Variants in SLC8A1 observed in about 807,000 individuals in gnomAD.
SLC8A1 encodes the protein sodium/calcium exchanger 1.
In SLC8A1, 18 loss-of-function variants were observed where a neutral mutation model predicts 68.3. The observed-to-expected ratio is 0.26, with a 90% CI of 0.18 to 0.39. SLC8A1 has a LOEUF of 0.39. Ranked by LOEUF, SLC8A1 falls within the 10% of genes least tolerant of loss-of-function variation. The probability of loss-of-function intolerance (pLI) is 1.00; values close to 1 mark genes in which losing one functional copy is unlikely to be tolerated. For missense variants in SLC8A1, 985 were observed against 1,156.7 expected, an observed-to-expected ratio of 0.85 and a Z score of 2.15; for synonymous variants, 475 against 415.5, an observed-to-expected ratio of 1.14 and a Z score of -1.74.
exon 8 of SLC8A1, chr2:40,102,462 A>C (rs576027093): frequency 5.9e-5 from 9 of 152,192 alleles, no homozygotes; most frequent in Admixed American, 3.9e-4. Context: ...GGGGCAATGC[A>C]TGAAATTCAG....
chr2:40,317,122 T>C (rs1575349108), intron 2 of SLC8A1, among the ~76,000 whole-genome samples: 1 of 152,006 alleles, frequency 6.6e-6, no homozygotes, highest in African/African-American at 2.4e-5. Flanking sequence ...GCATAATATG[T>C]TACTGAATAG....
intron 2 of SLC8A1, among the ~76,000 whole-genome samples, chr2:40,378,084 T>G (rs985375920): frequency 1.8e-4 from 28 of 152,238 alleles, no homozygotes; most frequent in African/African-American, 6.0e-4. Flanking sequence ...GAGCTGGTGA[T>G]AAATCAGTGA....
intron 1 of SLC8A1, among the ~76,000 whole-genome samples, chr2:40,467,932 T>C (rs985810972): frequency 6.6e-6 from 1 of 152,180 alleles, no homozygotes; most frequent in African/African-American, 2.4e-5. Flanking sequence ...GTATTCACTA[T>C]TAAATATGGG....
At chr2:40,473,818 C>T (rs1704129974) in intron 1 of SLC8A1, among the ~76,000 whole-genome samples, 1 of 152,140 alleles carries the variant, frequency 6.6e-6, no homozygotes, top group Non-Finnish European at 1.5e-5. Flanking sequence ...TTTCCTCAAG[C>T]AACTTGGGTA....
intron 2 of SLC8A1, among the ~76,000 whole-genome samples, chr2:40,291,692 C>T (rs1015223066): frequency 6.6e-6 from 1 of 152,124 alleles, no homozygotes; most frequent in Non-Finnish European, 1.5e-5. Flanking sequence ...ACCACATGAT[C>T]TCAAATATTT....
intron 1 of SLC8A1, among the ~76,000 whole-genome samples, chr2:40,502,804 G>A (rs1187787953): frequency 6.6e-6 from 1 of 151,980 alleles, no homozygotes; most frequent in Non-Finnish European, 1.5e-5. Context: ...TCACATTCCT[G>A]GTTAGAACCC....
intron 2 of SLC8A1, among the ~76,000 whole-genome samples, chr2:40,242,361 C>G (rs1558917152): frequency 6.6e-6 from 1 of 152,114 alleles, no homozygotes. Context: ...GCAAATAAGG[C>G]TTATTTCATG....
chr2:40,216,098 C>T (rs1163558588), intron 2 of SLC8A1, among the ~76,000 whole-genome samples: 4 of 150,766 alleles, frequency 2.7e-5, no homozygotes, highest in Non-Finnish European at 5.9e-5. Flanking sequence ...CATAGGTATA[C>T]GTGTGCCATG....
intron 2 of SLC8A1, among the ~76,000 whole-genome samples, chr2:40,276,534 A>G (rs2066720848): frequency 6.6e-6 from 1 of 152,226 alleles, no homozygotes; most frequent in African/African-American, 2.4e-5. Flanking sequence ...CTTCATGGAA[A>G]CTACAGGTTT....
At chr2:40,199,930 C>T (rs529456893) in intron 2 of SLC8A1, among the ~76,000 whole-genome samples, 2 of 150,830 alleles carry the variant, frequency 1.3e-5, no homozygotes, top group African/African-American at 4.9e-5. Context: ...TGACACAGAC[C>T]AGATGTTATT....
chr2:40,445,905 C>T (rs573734941), intron 1 of SLC8A1, among the ~76,000 whole-genome samples: 66 of 152,188 alleles, frequency 4.3e-4, no homozygotes, highest in Non-Finnish European at 7.6e-4. Flanking sequence ...AGTTGGGTCT[C>T]TAACACGGCC....
chr2:40,304,724 T>C (rs2072244439), intron 2 of SLC8A1, among the ~76,000 whole-genome samples: 1 of 152,142 alleles, frequency 6.6e-6, no homozygotes, highest in African/African-American at 2.4e-5. Flanking sequence ...CTCCACTGTC[T>C]TCTAATCTGT....
chr2:40,145,734 A>G (rs1421080716), intron 6 of SLC8A1, among the ~76,000 whole-genome samples: 1 of 152,190 alleles, frequency 6.6e-6, no homozygotes, highest in Non-Finnish European at 1.5e-5. Context: ...TTGCATCTGT[A>G]TATATCTGTT....
intron 2 of SLC8A1, among the ~76,000 whole-genome samples, chr2:40,408,934 A>C (rs1413908141): frequency 6.6e-6 from 1 of 152,174 alleles, no homozygotes; most frequent in Non-Finnish European, 1.5e-5. Flanking sequence ...AAAGAAAGAT[A>C]AGAGAAAAAA....
intron 6 of SLC8A1, among the ~76,000 whole-genome samples, chr2:40,141,398 T>G (rs2041543105): frequency 6.6e-6 from 1 of 152,228 alleles, no homozygotes; most frequent in African/African-American, 2.4e-5. Context: ...GCCTGCTCTT[T>G]CATGAGCACA....
At chr2:40,233,656 C>A (rs1332150767) in intron 2 of SLC8A1, among the ~76,000 whole-genome samples, 1 of 138,952 alleles carries the variant, frequency 7.2e-6, no homozygotes, top group African/African-American at 2.7e-5. Context: ...GTGTTTTAGA[C>A]ATGAAGTCTT....
At chr2:40,161,509 T>A (rs2045684973) in intron 5 of SLC8A1, among the ~76,000 whole-genome samples, 3 of 152,142 alleles carry the variant, frequency 2.0e-5, no homozygotes, top group Admixed American at 6.5e-5. Context: ...CACGTTGCAG[T>A]TTACCTTGCC....
intron 3 of SLC8A1, among the ~76,000 whole-genome samples, chr2:40,177,093 A>G (rs1269961942): frequency 6.6e-6 from 1 of 152,164 alleles, no homozygotes; most frequent in Non-Finnish European, 1.5e-5. Flanking sequence ...TGTAATTATC[A>G]AGAGATTTTG....
At chr2:40,386,639 GA>G (rs1179121168) in intron 2 of SLC8A1, among the ~76,000 whole-genome samples, 1 of 148,764 alleles carries the variant, frequency 6.7e-6, no homozygotes, top group East Asian at 1.9e-4. Context: ...AAAATAAAGG[GA>G]AAACAATGCA....
Sources: allele counts gnomAD v4.1 joint callset (sites outside exome capture counted in the v4.1 genomes callset), GRCh38; gene constraint gnomAD v4.1.1; transcripts MANE v1.5; gene names NCBI Gene and HGNC (gene_info 2026-07-23, HGNC 2026-07-21).